SLC35F4: variants seen among roughly 807,000 people sequenced by gnomAD.
SLC35F4 encodes solute carrier family 35 member F4.
Under a neutral mutation model 44.2 loss-of-function variants are expected in SLC35F4, and 24 were observed. That is an observed-to-expected ratio of 0.54 (90% confidence interval 0.39 to 0.76). The LOEUF (loss-of-function observed/expected upper bound fraction) is 0.76, where lower values mean the gene tolerates loss of function less well. Ranked by LOEUF, SLC35F4 falls within the 30% of genes least tolerant of loss-of-function variation. The pLI, the probability that SLC35F4 is intolerant of heterozygous loss-of-function variation, is 0.00. For synonymous variants in SLC35F4, 238 were observed against 223.6 expected (o/e 1.06, Z -0.57); for missense variants, 562 against 586.1 (o/e 0.96, Z 0.42).
At chr14:57,948,993 A>G (rs1890086261) in intron 1 of SLC35F4, among the ~76,000 whole-genome samples, 1 of 152,122 alleles carries the variant, frequency 6.6e-6, no homozygotes, top group Non-Finnish European at 1.5e-5. Context: ...GTGCTGATGA[A>G]AAGAATGTAT....
At chr14:57,637,438 T>C (rs1745182379) in intron 1 of SLC35F4, among the ~76,000 whole-genome samples, 1 of 152,148 alleles carries the variant, frequency 6.6e-6, no homozygotes, top group African/African-American at 2.4e-5. Flanking sequence ...GCTGTTGCCA[T>C]GCTGAAGCGC....
intron 1 of SLC35F4, among the ~76,000 whole-genome samples, chr14:57,659,732 C>G (rs1322283504): frequency 3.3e-5 from 5 of 152,120 alleles, no homozygotes; most frequent in Non-Finnish European, 7.4e-5. Context: ...TCAGCTTTCA[C>G]CATCATTATT....
At position 57,678,002 on chromosome 14, in the gene SLC35F4, A is replaced by G. The variant is rs146477602; in HGVS notation, c.104-83878T>C. ...GGGAAATTATCCAGGATCCATATTC[A>G]AATTCAGGAAATACAGAGAATATCA... On this transcript the variant is annotated intron_variant, in intron 1 of 7. Transcript: ENST00000556826. Among the ~76,000 whole-genome samples, 106 of 152,244 alleles carry G rather than the reference A, an allele frequency of 7.0e-4. 2 individuals are homozygous for G. The East Asian group carries it at 0.02, about 29-fold the overall frequency.
At chr14:57,766,790 A>C (rs1164357157) in intron 1 of SLC35F4, among the ~76,000 whole-genome samples, 1 of 152,238 alleles carries the variant, frequency 6.6e-6, no homozygotes, top group Non-Finnish European at 1.5e-5. Context: ...AAATAAAAAC[A>C]AATATTGCCT....
chr14:57,712,264 G>GT (rs1193032528), intron 1 of SLC35F4, among the ~76,000 whole-genome samples: 1 of 149,850 alleles, frequency 6.7e-6, no homozygotes, highest in East Asian at 2.0e-4. Context: ...AATCACAACT[G>GT]TAACATGAGG....
intron 1 of SLC35F4, among the ~76,000 whole-genome samples, chr14:57,879,376 C>T (rs1314901121): frequency 6.6e-6 from 1 of 152,000 alleles, no homozygotes; most frequent in Non-Finnish European, 1.5e-5. Flanking sequence ...CCTTCTGCCC[C>T]AGGCCTGGCT....
At chr14:57,590,226 C>CAAAAAAAAAAAAAAAA (rs55850524) in intron 2 of SLC35F4, among the ~76,000 whole-genome samples, 3 of 119,168 alleles carry the variant, frequency 2.5e-5, no homozygotes, top group Non-Finnish European at 5.1e-5. Context: ...CTTGTCTATG[C>CAAAAAAAAAAAAAAAA]AAAAAAAAAA....
chr14:57,632,353 C>G (rs2072820612), intron 1 of SLC35F4, among the ~76,000 whole-genome samples: 1 of 151,244 alleles, frequency 6.6e-6, no homozygotes, highest in Non-Finnish European at 1.5e-5. Context: ...ATCAAGCAAA[C>G]ATGTTATAAT....
chr14:57,801,872 C>A (rs7157849), intron 1 of SLC35F4, among the ~76,000 whole-genome samples: 1 of 152,010 alleles, frequency 6.6e-6, no homozygotes, highest in Non-Finnish European at 1.5e-5. Context: ...TAGACTCCCA[C>A]GCAATAATAG....
At chr14:57,950,948 A>G (rs1643744847) in intron 1 of SLC35F4, among the ~76,000 whole-genome samples, 1 of 152,092 alleles carries the variant, frequency 6.6e-6, no homozygotes, top group Admixed American at 6.6e-5. Context: ...TACAGGCACG[A>G]GCCACCACGC....
At chr14:57,832,831 C>T (rs911015423) in intron 1 of SLC35F4, among the ~76,000 whole-genome samples, 4 of 152,166 alleles carry the variant, frequency 2.6e-5, no homozygotes, top group Non-Finnish European at 5.9e-5. Context: ...TGTAAAATTA[C>T]ACTCACTGAT....
intron 1 of SLC35F4, among the ~76,000 whole-genome samples, chr14:57,644,264 T>C (rs1025823031): frequency 7.9e-5 from 12 of 152,168 alleles, no homozygotes; most frequent in African/African-American, 2.9e-4. Context: ...TTTCTCCACA[T>C]CCTCTCCAGC....
intron 1 of SLC35F4, among the ~76,000 whole-genome samples, chr14:57,737,185 G>A (rs1983737): frequency 4.0e-5 from 6 of 151,472 alleles, no homozygotes; most frequent in Admixed American, 3.3e-4. Context: ...GGCAAGGTAC[G>A]CCTAAAGTAG....
intron 1 of SLC35F4, among the ~76,000 whole-genome samples, chr14:57,686,442 C>A (rs941599404): frequency 2.6e-5 from 4 of 152,168 alleles, no homozygotes; most frequent in African/African-American, 9.7e-5. Flanking sequence ...TGCAGCTGGG[C>A]CGATTACCAA....
chr14:57,669,502 C>T (rs1361059956), intron 1 of SLC35F4, among the ~76,000 whole-genome samples: 1 of 151,980 alleles, frequency 6.6e-6, no homozygotes, highest in African/African-American at 2.4e-5. Flanking sequence ...TGAGATATGT[C>T]CCATCAATAC....
chr14:57,970,622 G>A (rs180857160), intron 1 of SLC35F4, among the ~76,000 whole-genome samples: 11 of 152,234 alleles, frequency 7.2e-5, no homozygotes, highest in East Asian at 1.9e-4. Context: ...TCCATCCAGC[G>A]TTTTATCCCC....
At chr14:57,665,847 C>T (rs891268958) in intron 1 of SLC35F4, among the ~76,000 whole-genome samples, 4 of 152,134 alleles carry the variant, frequency 2.6e-5, no homozygotes, top group South Asian at 4.1e-4. Flanking sequence ...ATGGAGCTGG[C>T]GGCCATTCTC....
intron 1 of SLC35F4, among the ~76,000 whole-genome samples, chr14:57,820,574 T>C (rs1883072041): frequency 6.6e-6 from 1 of 152,250 alleles, no homozygotes; most frequent in South Asian, 2.1e-4. Context: ...AATGAACTGT[T>C]CTCTTCAGAG....
chr14:57,627,445 G>T (rs2072531348), intron 1 of SLC35F4, among the ~76,000 whole-genome samples: 1 of 152,036 alleles, frequency 6.6e-6, no homozygotes, highest in Non-Finnish European at 1.5e-5. Flanking sequence ...TTGGACCAGG[G>T]CTAAACAAAA....
Sources: allele counts gnomAD v4.1 joint callset (sites outside exome capture counted in the v4.1 genomes callset), GRCh38; gene constraint gnomAD v4.1.1; transcripts MANE v1.5; gene names NCBI Gene and HGNC (gene_info 2026-07-23, HGNC 2026-07-21).